Variants in LRRTM4 observed in about 807,000 individuals in gnomAD.
LRRTM4 encodes leucine-rich repeat transmembrane neuronal protein 4.
LRRTM4 carries 25 observed loss-of-function variants against 47.6 expected under a neutral mutation model. The ratio of observed to expected loss-of-function variants is 0.53; its 90% CI spans 0.38 to 0.73. LRRTM4 has a LOEUF of 0.73. Among genes scored for constraint, LRRTM4 ranks in the 30% least tolerant of loss-of-function variants. The pLI is 0.00. For synonymous variants in LRRTM4, 311 were observed against 269.5 expected (o/e 1.15, Z -1.51); for missense variants, 638 against 713.4 (o/e 0.89, Z 1.20).
chr2:77,268,910 C>T (rs2104064199), intron 3 of LRRTM4, among the ~76,000 whole-genome samples: 1 of 152,246 alleles, frequency 6.6e-6, no homozygotes, highest in South Asian at 2.1e-4. Context: ...AATACTTGTA[C>T]CCTGCCCCAG....
At chr2:77,216,239 G>C (rs1674436311) in intron 3 of LRRTM4, among the ~76,000 whole-genome samples, 1 of 152,120 alleles carries the variant, frequency 6.6e-6, no homozygotes, top group Non-Finnish European at 1.5e-5. Flanking sequence ...TGGAAAACTA[G>C]GGTAAACTTG....
At chr2:77,392,434 T>C (rs113462103) in intron 3 of LRRTM4, among the ~76,000 whole-genome samples, 88 of 152,178 alleles carry the variant, frequency 5.8e-4, no homozygotes, top group African/African-American at 1.9e-3. Context: ...CTAAATTCAC[T>C]GAGACCTGTC....
chr2:76,784,588 T>C (rs536757567), intron 3 of LRRTM4, among the ~76,000 whole-genome samples: 27 of 152,230 alleles, frequency 1.8e-4, no homozygotes, highest in African/African-American at 6.0e-4. Context: ...AACTAAAGTA[T>C]CCTATGTAAT....
At chr2:76,998,769 G>A (rs975005044) in intron 3 of LRRTM4, among the ~76,000 whole-genome samples, 2 of 138,784 alleles carry the variant, frequency 1.4e-5, no homozygotes, top group Admixed American at 1.4e-4. Flanking sequence ...TATATTTTCT[G>A]TTTTTTTTTT....
At chr2:77,500,898 T>G (rs940019232) in intron 3 of LRRTM4, among the ~76,000 whole-genome samples, 2 of 151,400 alleles carry the variant, frequency 1.3e-5, no homozygotes, top group Admixed American at 6.6e-5. Flanking sequence ...ATATATTGAG[T>G]GAAACAAATA....
At chr2:76,780,974 T>C (rs1674350398) in intron 3 of LRRTM4, among the ~76,000 whole-genome samples, 2 of 152,266 alleles carry the variant, frequency 1.3e-5, no homozygotes, top group Non-Finnish European at 2.9e-5. Flanking sequence ...GTTTTCCTTC[T>C]AACAGAGAGG....
intron 3 of LRRTM4, among the ~76,000 whole-genome samples, chr2:76,901,625 TG>T (rs1395062540): frequency 2.0e-5 from 3 of 152,130 alleles, no homozygotes; most frequent in African/African-American, 7.2e-5. Flanking sequence ...TCTGTTTAAT[TG>T]AGATCTAGAG....
At chr2:77,053,174 C>T (rs1679496046) in intron 3 of LRRTM4, among the ~76,000 whole-genome samples, 1 of 152,120 alleles carries the variant, frequency 6.6e-6, no homozygotes, top group South Asian at 2.1e-4. Context: ...AATTCAGATA[C>T]AGGAGAAATG....
intron 3 of LRRTM4, among the ~76,000 whole-genome samples, chr2:77,079,229 T>A (rs945653183): frequency 1.3e-5 from 2 of 152,182 alleles, no homozygotes; most frequent in South Asian, 4.1e-4. Context: ...ACATTTCAAC[T>A]TTTTTTATGG....
chr2:77,106,730 C>A (rs895560871), intron 3 of LRRTM4, among the ~76,000 whole-genome samples: 12 of 151,902 alleles, frequency 7.9e-5, no homozygotes, highest in African/African-American at 2.9e-4. Flanking sequence ...AAATACGTAT[C>A]TATAAGGAAG....
At chr2:77,412,655 G>A (rs759547097) in intron 3 of LRRTM4, among the ~76,000 whole-genome samples, 1 of 152,138 alleles carries the variant, frequency 6.6e-6, no homozygotes, top group Non-Finnish European at 1.5e-5. Context: ...GGCCACAAGA[G>A]TATTAAGAGG....
At chr2:76,780,964 G>A (rs990571989) in intron 3 of LRRTM4, among the ~76,000 whole-genome samples, 10 of 152,214 alleles carry the variant, frequency 6.6e-5, no homozygotes, top group Non-Finnish European at 1.2e-4. Context: ...CTGTTTGTTA[G>A]TTTTCCTTCT....
At chr2:77,205,492 A>G (rs1674097094) in intron 3 of LRRTM4, among the ~76,000 whole-genome samples, 1 of 152,118 alleles carries the variant, frequency 6.6e-6, no homozygotes, top group Non-Finnish European at 1.5e-5. Flanking sequence ...CATTCCAGGA[A>G]AAAGTAATGA....
chr2:77,299,564 G>A (rs1032050660), intron 3 of LRRTM4, among the ~76,000 whole-genome samples: 1 of 151,858 alleles, frequency 6.6e-6, no homozygotes, highest in African/African-American at 2.4e-5. Context: ...CTAAGAACTG[G>A]GAAATTGTTT....
At chr2:77,147,276 G>A (rs557697025) in intron 3 of LRRTM4, among the ~76,000 whole-genome samples, 3 of 152,206 alleles carry the variant, frequency 2.0e-5, no homozygotes, top group Admixed American at 2.0e-4. Flanking sequence ...CCTCCAAGAG[G>A]GATTTCCCTT....
At chr2:77,127,634 C>T (rs758337224) in intron 3 of LRRTM4, among the ~76,000 whole-genome samples, 1 of 152,092 alleles carries the variant, frequency 6.6e-6, no homozygotes, top group Non-Finnish European at 1.5e-5. Flanking sequence ...CACTCTTTGT[C>T]ATCACTTACT....
rs75343990 is a variant in LRRTM4, at chr2:77,007,910, A to C, written c.1552-258994T>G. Among the ~76,000 whole-genome samples, 83 of 152,328 alleles carry C rather than the reference A, an allele frequency of 5.4e-4. No homozygotes were observed. The East Asian group carries it at 0.015, about 28-fold the overall frequency. Reference sequence around the variant, plus strand: ...AGTGATTTTGTCCTATATCCAAGATAGCTTTCATATAGCTTCATTGTTCCT... The same window carrying C: ...AGTGATTTTGTCCTATATCCAAGATCGCTTTCATATAGCTTCATTGTTCCT... On this transcript the variant is annotated intron_variant, in intron 3 of 3. Coordinates refer to ENST00000409884, the MANE Select transcript of LRRTM4 (RefSeq NM_001134745.3).
intron 3 of LRRTM4, among the ~76,000 whole-genome samples, chr2:76,869,305 C>G (rs778256605): frequency 6.0e-4 from 89 of 148,532 alleles, no homozygotes; most frequent in Non-Finnish European, 4.6e-4. Context: ...AAGACTTCAT[C>G]TCAAAGAAAA....
At chr2:77,002,822 T>C (rs1677482009) in intron 3 of LRRTM4, among the ~76,000 whole-genome samples, 1 of 152,218 alleles carries the variant, frequency 6.6e-6, no homozygotes, top group African/African-American at 2.4e-5. Flanking sequence ...ATCTAAGCTC[T>C]ACCTCTCCCA....
Sources: allele counts gnomAD v4.1 joint callset (sites outside exome capture counted in the v4.1 genomes callset), GRCh38; gene constraint gnomAD v4.1.1; transcripts MANE v1.5; gene names NCBI Gene and HGNC (gene_info 2026-07-23, HGNC 2026-07-21).